Variants in TPRG1 observed in about 807,000 individuals in gnomAD.
TPRG1 encodes the protein tumor protein p63-regulated gene 1 protein.
TPRG1 carries 29 observed loss-of-function variants against 29.3 expected under a neutral mutation model. The observed-to-expected ratio is 0.99, with a 90% CI of 0.74 to 1.35. The LOEUF is 1.35. Ranked by LOEUF, TPRG1 falls within the 40% of genes most tolerant of loss-of-function variation. The pLI is 0.00. For missense variants in TPRG1, 327 were observed against 335.0 expected (o/e 0.98, Z 0.19); for synonymous variants, 130 against 116.8 (o/e 1.11, Z -0.73).
intron 4 of TPRG1, among the ~76,000 whole-genome samples, chr3:189,293,200 G>C (rs567016556): frequency 1.3e-5 from 2 of 152,300 alleles, no homozygotes; most frequent in South Asian, 4.2e-4. Flanking sequence ...TAAATGAGAT[G>C]ATGTGGAGGC....
chr3:189,319,658 A>C (rs1221149753), intron 5 of TPRG1, among the ~76,000 whole-genome samples: 1 of 152,028 alleles, frequency 6.6e-6, no homozygotes, highest in African/African-American at 2.4e-5. Context: ...TTCCATTCTT[A>C]GCCCTAAGAG....
intron 4 of TPRG1, among the ~76,000 whole-genome samples, chr3:189,263,816 G>A (rs1713563718): frequency 6.6e-6 from 1 of 152,164 alleles, no homozygotes; most frequent in South Asian, 2.1e-4. Context: ...TGATGCTATG[G>A]CATTTCACTC....
At chr3:189,061,178 A>T (rs2152144576) in intron 4 of TPRG1, among the ~76,000 whole-genome samples, 1 of 152,356 alleles carries the variant, frequency 6.6e-6, no homozygotes, top group East Asian at 1.9e-4. Context: ...CATTGCTGAC[A>T]AAAACAAGCA....
At chr3:189,148,433 C>T (rs1725530567) in intron 4 of TPRG1, among the ~76,000 whole-genome samples, 1 of 152,188 alleles carries the variant, frequency 6.6e-6, no homozygotes, top group South Asian at 2.1e-4. Flanking sequence ...AGCAGAGGAC[C>T]TCTCTCTGGG....
intron 4 of TPRG1, among the ~76,000 whole-genome samples, chr3:189,291,938 G>A (rs373406790): frequency 8.1e-4 from 124 of 152,284 alleles, no homozygotes; most frequent in African/African-American, 2.1e-3. Flanking sequence ...AGAGCTCTGG[G>A]TAGGCTTCTA....
intron 2 of TPRG1, chr3:189,001,026 A>G (rs954521694): frequency 1.3e-5 from 2 of 152,068 alleles, no homozygotes. Context: ...GAAACACCAC[A>G]TCTGACCTCA....
At chr3:189,056,570 T>G (rs887727134) in intron 4 of TPRG1, among the ~76,000 whole-genome samples, 4 of 152,178 alleles carry the variant, frequency 2.6e-5, no homozygotes, top group African/African-American at 9.6e-5. Flanking sequence ...TTACACCATT[T>G]TCCTCTTAAT....
intron 3 of TPRG1, among the ~76,000 whole-genome samples, chr3:189,236,036 T>G (rs1205463429): frequency 2.6e-5 from 4 of 152,354 alleles, no homozygotes; most frequent in African/African-American, 9.6e-5. Flanking sequence ...GAATATGCAA[T>G]TTAATGTTTC....
intron 4 of TPRG1, among the ~76,000 whole-genome samples, chr3:189,083,000 C>G (rs548604066): frequency 3.3e-5 from 5 of 152,000 alleles, no homozygotes; most frequent in African/African-American, 1.2e-4. Context: ...AAAAGCAGGA[C>G]AAGAAAAAGG....
intron 1 of TPRG1, among the ~76,000 whole-genome samples, chr3:189,206,481 C>A (rs532907755): frequency 6.8e-6 from 1 of 147,644 alleles, no homozygotes; most frequent in African/African-American, 2.5e-5. Flanking sequence ...CTATTAGATG[C>A]GGTGTTGTGA....
chr3:189,314,618 T>C (rs1278924949), intron 5 of TPRG1, among the ~76,000 whole-genome samples: 1 of 152,204 alleles, frequency 6.6e-6, no homozygotes, highest in African/African-American at 2.4e-5. Context: ...ACATAGTTTG[T>C]GTTACTCATA....
At chr3:189,212,623 C>T (rs1296985459) in intron 2 of TPRG1, among the ~76,000 whole-genome samples, 1 of 151,440 alleles carries the variant, frequency 6.6e-6, no homozygotes, top group Non-Finnish European at 1.5e-5. Context: ...ATGATATATT[C>T]CCTTCATTTT....
At chr3:189,156,701 C>T (rs1391473475) in intron 5 of TPRG1, among the ~76,000 whole-genome samples, 1 of 152,188 alleles carries the variant, frequency 6.6e-6, no homozygotes, top group East Asian at 1.9e-4. Context: ...CATCCTTCCC[C>T]TAATTTTACA....
upstream of TPRG1, among the ~76,000 whole-genome samples, chr3:189,096,130 C>T (rs1325426833): frequency 6.6e-6 from 1 of 152,202 alleles, no homozygotes; most frequent in Non-Finnish European, 1.5e-5. Flanking sequence ...GTATAGGAGG[C>T]TTCTCCCAGC....
chr3:189,296,167 C>T (rs1054456661), intron 4 of TPRG1, among the ~76,000 whole-genome samples: 4 of 152,204 alleles, frequency 2.6e-5, no homozygotes, highest in Non-Finnish European at 5.9e-5. Context: ...AGAGTTTGTT[C>T]TCTGCCTCAC....
At chr3:189,286,043 C>T (rs1216142583) in intron 4 of TPRG1, among the ~76,000 whole-genome samples, 1 of 152,050 alleles carries the variant, frequency 6.6e-6, no homozygotes. Context: ...TTAATTTGTA[C>T]AATTTACCTT....
chr3:189,241,159 C>T (rs536081163), intron 4 of TPRG1, among the ~76,000 whole-genome samples: 8 of 152,198 alleles, frequency 5.3e-5, no homozygotes, highest in East Asian at 1.9e-4. Context: ...AAATTTTAAC[C>T]GATGAGTATT....
intron 3 of TPRG1, among the ~76,000 whole-genome samples, chr3:189,006,871 C>T (rs913657924): frequency 2.0e-5 from 3 of 152,038 alleles, no homozygotes; most frequent in South Asian, 2.1e-4. Flanking sequence ...AGACTTGAGT[C>T]ATTGCTACAG....
intron 4 of TPRG1, among the ~76,000 whole-genome samples, chr3:189,038,686 G>C (rs1179410052): frequency 6.6e-6 from 1 of 151,842 alleles, no homozygotes; most frequent in Non-Finnish European, 1.5e-5. Context: ...GTAACAGATG[G>C]GAGACAGACT....
Sources: gnomAD v4.1 joint callset for allele counts (sites outside exome capture counted in the v4.1 genomes callset) on GRCh38, gnomAD v4.1.1 for gene constraint, MANE v1.5 for transcripts, NCBI Gene and HGNC (gene_info 2026-07-23, HGNC 2026-07-21) for gene names.